RARB: variants seen among roughly 807,000 people sequenced by gnomAD.
The protein encoded by RARB is HBV-activated protein.
Under a neutral mutation model 51.9 loss-of-function variants are expected in RARB, and 17 were observed. The ratio of observed to expected loss-of-function variants is 0.33; its 90% CI spans 0.22 to 0.49. The LOEUF (loss-of-function observed/expected upper bound fraction) is 0.49. Among genes scored for constraint, RARB ranks in the 20% least tolerant of loss-of-function variants. The pLI, the probability that RARB is intolerant of heterozygous loss-of-function variation, is 0.99. For missense variants in RARB, 369 were observed against 550.8 expected (o/e 0.67, Z 3.30); for synonymous variants, 215 against 195.4 (o/e 1.10, Z -0.84).
intron 3 of RARB, among the ~76,000 whole-genome samples, chr3:25,120,993 C>T (rs1201527941): frequency 6.6e-6 from 1 of 152,136 alleles, no homozygotes; most frequent in Non-Finnish European, 1.5e-5. Flanking sequence ...AGTTGGCCAG[C>T]TCCTGATTTA....
intron 5 of RARB, among the ~76,000 whole-genome samples, chr3:25,305,487 C>A (rs546457730): frequency 1.1e-4 from 16 of 152,184 alleles, no homozygotes; most frequent in Non-Finnish European, 2.1e-4. Flanking sequence ...ATTGGTTTGG[C>A]TGTTTCTCAG....
intron 4 of RARB, among the ~76,000 whole-genome samples, chr3:25,147,052 C>G (rs1055517801): frequency 2.6e-5 from 4 of 152,042 alleles, no homozygotes; most frequent in Admixed American, 6.5e-5. Context: ...TCCAAGCTCT[C>G]CAGATGATTC....
upstream of RARB, among the ~76,000 whole-genome samples, chr3:25,425,100 G>A (rs1198067628): frequency 6.6e-6 from 1 of 152,174 alleles, no homozygotes; most frequent in Admixed American, 6.5e-5. Context: ...AGAAAATAGA[G>A]ATGACACATA....
chr3:25,144,251 C>G (rs1700154178), intron 4 of RARB, among the ~76,000 whole-genome samples: 1 of 152,110 alleles, frequency 6.6e-6, no homozygotes, highest in Non-Finnish European at 1.5e-5. Flanking sequence ...ACCTTCTAGA[C>G]CAGTACACTG....
intron 5 of RARB, among the ~76,000 whole-genome samples, chr3:25,197,198 G>A (rs953344840): frequency 4.6e-5 from 7 of 151,942 alleles, no homozygotes; most frequent in Admixed American, 1.3e-4. Context: ...ATTATGTTAA[G>A]GTCTAACGTT....
In RARB at chr3:25,469,487, C is replaced by G. The variant is rs143650525; in HGVS notation, c.306+8146C>G. Among the ~76,000 whole-genome samples, 136 of 152,312 alleles carry G rather than the reference C, an allele frequency of 8.9e-4. 1 individual carries two copies. The highest frequency in any genetic ancestry group is 6.8e-3 in the Middle Eastern group (2 of 294). ...AAAACAATAACAAAAACAGGACACT[C>G]TGTGTACCACTCTGTGATAGCTGAA... is the stretch of plus-strand genomic sequence containing the variant. On this transcript the variant is annotated intron_variant, in intron 2 of 7. Transcript: ENST00000330688.
intron 3 of RARB, among the ~76,000 whole-genome samples, chr3:25,561,851 A>G (rs960822573): frequency 6.6e-6 from 1 of 152,212 alleles, no homozygotes; most frequent in Non-Finnish European, 1.5e-5. Context: ...AAGAATATAC[A>G]TGACACAGAG....
chr3:25,106,061 G>A (rs1286935807), intron 3 of RARB, among the ~76,000 whole-genome samples: 1 of 152,148 alleles, frequency 6.6e-6, no homozygotes, highest in Non-Finnish European at 1.5e-5. Flanking sequence ...AGGACTGTGA[G>A]CCTAGGCAAC....
At chr3:24,971,524 AATG>A (rs778993742) in intron 2 of RARB, among the ~76,000 whole-genome samples, 19 of 152,064 alleles carry the variant, frequency 1.2e-4, no homozygotes, top group Non-Finnish European at 2.1e-4. Flanking sequence ...TATTCCTTGT[AATG>A]ATGTTTCTAC....
intron 2 of RARB, among the ~76,000 whole-genome samples, chr3:25,013,150 A>G (rs137956632): frequency 1.4e-3 from 220 of 152,206 alleles, no homozygotes; most frequent in African/African-American, 5.1e-3. Flanking sequence ...GTGGTTGCAG[A>G]CAGCATTGCC....
chr3:25,293,618 A>AAAAAAAAAAAAAAAAG (rs1703844602), intron 5 of RARB, among the ~76,000 whole-genome samples: 2 of 145,508 alleles, frequency 1.4e-5, no homozygotes, highest in Non-Finnish European at 3.0e-5. Flanking sequence ...AAAAAAAAAA[A>AAAAAAAAAAAAAAAAG]GTTCAGAGAT....
chr3:25,382,630 C>T (rs567108676), intron 5 of RARB, among the ~76,000 whole-genome samples: 27 of 152,246 alleles, frequency 1.8e-4, no homozygotes, highest in South Asian at 1.2e-3. Context: ...CCAAGGCAGG[C>T]GGATCACCTG....
At chr3:25,067,956 G>C (rs1698695284) in intron 3 of RARB, among the ~76,000 whole-genome samples, 2 of 151,520 alleles carry the variant, frequency 1.3e-5, no homozygotes, top group South Asian at 4.2e-4. Context: ...GGCCGGCATG[G>C]TAAAACTCTG....
chr3:25,392,063 T>C (rs1030290497), intron 5 of RARB, among the ~76,000 whole-genome samples: 8 of 152,226 alleles, frequency 5.3e-5, no homozygotes, highest in South Asian at 4.1e-4. Flanking sequence ...GAGTTGATTT[T>C]TGTATGAAGT....
chr3:24,951,157 G>A (rs1355024830), intron 2 of RARB, among the ~76,000 whole-genome samples: 2 of 152,142 alleles, frequency 1.3e-5, no homozygotes, highest in Non-Finnish European at 2.9e-5. Context: ...GGCTTTATGT[G>A]CACACTCTTA....
At chr3:25,419,167 T>C (rs1436629145) in intron 5 of RARB, among the ~76,000 whole-genome samples, 1 of 152,054 alleles carries the variant, frequency 6.6e-6, no homozygotes, top group Admixed American at 6.5e-5. Context: ...TAGGTGGTGC[T>C]CTGTGTCCCT....
intron 2 of RARB, among the ~76,000 whole-genome samples, chr3:24,904,088 A>T (rs979709756): frequency 1.3e-5 from 2 of 152,228 alleles, no homozygotes; most frequent in Non-Finnish European, 2.9e-5. Context: ...TTAATTTTAG[A>T]AACAACAAGA....
intron 5 of RARB, among the ~76,000 whole-genome samples, chr3:25,339,410 G>T (rs374976206): frequency 2.0e-5 from 3 of 152,082 alleles, no homozygotes; most frequent in Admixed American, 2.0e-4. Context: ...CCAATTCAAC[G>T]CTTTCTGTAC....
At chr3:24,908,498 C>T (rs1359424753) in intron 2 of RARB, among the ~76,000 whole-genome samples, 1 of 152,006 alleles carries the variant, frequency 6.6e-6, no homozygotes, top group East Asian at 1.9e-4. Context: ...CTAATACTTG[C>T]ATGCAGCTTA....
Sources: allele counts gnomAD v4.1 joint callset (sites outside exome capture counted in the v4.1 genomes callset), GRCh38; gene constraint gnomAD v4.1.1; transcripts MANE v1.5; gene names NCBI Gene and HGNC (gene_info 2026-07-23, HGNC 2026-07-21).